Variants in CENPW observed in about 807,000 individuals in gnomAD.
The protein encoded by CENPW is cancer-up-regulated gene 2 protein.
A neutral mutation model predicts 11.1 loss-of-function variants in CENPW; 3 were observed. The ratio of observed to expected loss-of-function variants is 0.27; its 90% CI spans 0.12 to 0.70. CENPW has a LOEUF of 0.70. Among genes scored for constraint, CENPW ranks in the 30% least tolerant of loss-of-function variants. The pLI, the probability that CENPW is intolerant of heterozygous loss-of-function variation, is 0.77. For missense variants in CENPW, 100 were observed against 105.6 expected (o/e 0.95, Z 0.23); for synonymous variants, 38 against 42.0 (o/e 0.91, Z 0.37).
chr6:126,393,780 T>C, the CENPW span, among the ~76,000 whole-genome samples: 1 of 149,682 alleles, frequency 6.7e-6, no homozygotes, highest in African/African-American at 2.4e-5. Flanking sequence ...GATATATATT[T>C]ATATATACAT....
the CENPW span, among the ~76,000 whole-genome samples, chr6:126,412,014 CCA>C: frequency 0.012 from 70 of 5,922 alleles, no homozygotes; most frequent in East Asian, 0.016. Flanking sequence ...TCTCTCCCTC[CCA>C]CTCCCTCCCT....
the CENPW span, among the ~76,000 whole-genome samples, chr6:126,468,420 C>CAAAAA: frequency 1.1e-4 from 6 of 53,484 alleles, no homozygotes; most frequent in South Asian, 1.2e-3. Flanking sequence ...AACTCTGTCT[C>CAAAAA]AAAAAAAAAA....
At chr6:126,432,091 AGAG>A in the CENPW span, among the ~76,000 whole-genome samples, 5 of 149,530 alleles carry the variant, frequency 3.3e-5, no homozygotes, top group African/African-American at 1.2e-4. Flanking sequence ...AAAAAAAAAA[AGAG>A]GGTATTTTTC....
chr6:126,384,408 G>A, the CENPW span, among the ~76,000 whole-genome samples: 2 of 152,032 alleles, frequency 1.3e-5, 1 homozygote, highest in Non-Finnish European at 2.9e-5. Context: ...AAAGCATCAT[G>A]GTACTATTAC....
chr6:126,348,971 T>C (rs893111110), downstream of CENPW: 13 of 152,098 alleles, frequency 8.5e-5, no homozygotes, highest in African/African-American at 2.9e-4. Flanking sequence ...CCAGTAGTAA[T>C]GTTATAATTT....
At chr6:126,469,094 A>G in the CENPW span, among the ~76,000 whole-genome samples, 1 of 152,090 alleles carries the variant, frequency 6.6e-6, no homozygotes, top group Non-Finnish European at 1.5e-5. Context: ...CACTCAGCCA[A>G]GCATTTCTAT....
Position 126,348,498 on chromosome 6 carries a change from A to G in CENPW, c.*6A>G, listed in dbSNP as rs1029781171. ...TAAAGAAGAGCAGAGGTTAGAAGTC[A>G]AAGAACATATTCTTGAAAGTTATGA... is the stretch of plus-strand genomic sequence containing the variant. On this transcript the variant is annotated 3_prime_UTR_variant, in exon 3 of 3. Transcript: ENST00000368328. 5 of 1,448,180 alleles carry G rather than the reference A, an allele frequency of 3.5e-6. No homozygotes were observed. In the African/African-American group the frequency reaches 4.2e-5, roughly 12 times the overall value. 89.7% of individuals were successfully genotyped at this position (1,448,180 alleles called of 1,614,324 possible). A position where few individuals can be genotyped will look rare whatever the true frequency, so the allele number is the denominator to read the frequency against.
chr6:126,455,773 A>G, the CENPW span, among the ~76,000 whole-genome samples: 3 of 151,386 alleles, frequency 2.0e-5, no homozygotes, highest in East Asian at 5.9e-4. Flanking sequence ...GAGAAGAAGT[A>G]AAACTATCTC....
the CENPW span, among the ~76,000 whole-genome samples, chr6:126,452,059 C>A: frequency 1.3e-5 from 2 of 151,010 alleles, no homozygotes; most frequent in Admixed American, 1.3e-4. Context: ...AAGGCTTTGA[C>A]AACTGAAGTG....
chr6:126,386,912 C>T, the CENPW span, among the ~76,000 whole-genome samples: 1 of 151,862 alleles, frequency 6.6e-6, no homozygotes, highest in Non-Finnish European at 1.5e-5. Flanking sequence ...ATTCTGTGCC[C>T]TATTAAAGCA....
chr6:126,353,184 G>A (rs1190083815), downstream of CENPW, among the ~76,000 whole-genome samples: 1 of 149,398 alleles, frequency 6.7e-6, no homozygotes, highest in Non-Finnish European at 1.5e-5. Flanking sequence ...CGTTTTCTTT[G>A]CTGATCATTT....
chr6:126,474,954 C>T, the CENPW span, among the ~76,000 whole-genome samples: 2 of 152,090 alleles, frequency 1.3e-5, no homozygotes, highest in Admixed American at 6.6e-5. Context: ...GGTTGTATTA[C>T]ACCAGTGTGT....
chr6:126,380,558 A>G, the CENPW span, among the ~76,000 whole-genome samples: 4 of 152,206 alleles, frequency 2.6e-5, no homozygotes, highest in Admixed American at 6.5e-5. Flanking sequence ...ATTCTACTCT[A>G]GCATGTGAAT....
At chr6:126,439,076 T>C in the CENPW span, among the ~76,000 whole-genome samples, 3,789 of 151,778 alleles carry the variant, frequency 0.025, 66 homozygotes, top group Non-Finnish European at 0.037. Flanking sequence ...GGATTTTTTT[T>C]CTCCTATTAA....
chr6:126,407,668 C>T, the CENPW span, among the ~76,000 whole-genome samples: 11 of 152,164 alleles, frequency 7.2e-5, no homozygotes, highest in South Asian at 1.5e-3. Context: ...TTTTGATTTG[C>T]ATTTCCTTAA....
chr6:126,470,757 G>A, the CENPW span, among the ~76,000 whole-genome samples: 3 of 152,230 alleles, frequency 2.0e-5, no homozygotes, highest in East Asian at 5.8e-4. Context: ...ACCATGTCCT[G>A]GGTGTGAGAC....
At chr6:126,356,036 G>A in the CENPW span, among the ~76,000 whole-genome samples, 1,098 of 152,200 alleles carry the variant, frequency 7.2e-3, 14 homozygotes, top group African/African-American at 0.025. Context: ...TAAGAAATCT[G>A]GATGACTGTC....
At chr6:126,383,964 C>T in the CENPW span, among the ~76,000 whole-genome samples, 3 of 152,142 alleles carry the variant, frequency 2.0e-5, no homozygotes, top group African/African-American at 7.2e-5. Flanking sequence ...CTCTGGTGCA[C>T]ATGAAACATA....
the CENPW span, among the ~76,000 whole-genome samples, chr6:126,363,107 G>C: frequency 1.2e-3 from 187 of 152,294 alleles, no homozygotes; most frequent in African/African-American, 4.1e-3. Context: ...ACTACCTAGA[G>C]ACAGTGTACT....
Sources: gnomAD v4.1 joint callset for allele counts (sites outside exome capture counted in the v4.1 genomes callset) on GRCh38, gnomAD v4.1.1 for gene constraint, MANE v1.5 for transcripts, NCBI Gene and HGNC (gene_info 2026-07-23, HGNC 2026-07-21) for gene names.